Variants in ITGAE observed in about 807,000 individuals in gnomAD.
ITGAE encodes the protein integrin alpha-E.
Under a neutral mutation model 136.5 loss-of-function variants are expected in ITGAE, and 99 were observed. The ratio of observed to expected loss-of-function variants is 0.73; its 90% confidence interval spans 0.62 to 0.86. The LOEUF is 0.86. Ranked by LOEUF, ITGAE falls within the 40% of genes least tolerant of loss-of-function variation. ITGAE has a pLI of 0.00. For missense variants in ITGAE, 1,447 were observed against 1,515.3 expected (o/e 0.95, Z 0.75); for synonymous variants, 613 against 591.8 (o/e 1.04, Z -0.52).
At position 3,759,121 on chromosome 17, in the gene ITGAE, T is replaced by A. The variant is rs1287858073; in HGVS notation, c.866+281A>T. ...GCCTGGGTGACAGAGCAAGACTCCATCTCAAAAAAAAAAACAAAAAAAAAA... is the reference window on the plus strand; with the variant it reads ...GCCTGGGTGACAGAGCAAGACTCCAACTCAAAAAAAAAAACAAAAAAAAAA... On this transcript the variant is annotated intron_variant, in intron 8 of 30. Transcript: ENST00000263087. Among the ~76,000 whole-genome samples the A allele has an allele frequency of 2.5e-5, 3 of 120,746 alleles. No homozygotes were observed. The Admixed American group carries it at 2.7e-4, about 11-fold the overall frequency. 79.2% of individuals were successfully genotyped at this position (120,746 alleles called of 152,430 possible).
At chr17:3,794,597 A>C (rs1405328132) in intron 1 of ITGAE, among the ~76,000 whole-genome samples, 1 of 152,186 alleles carries the variant, frequency 6.6e-6, no homozygotes, top group Non-Finnish European at 1.5e-5. Flanking sequence ...GTTCCAGATC[A>C]AGACCCCTAG....
At chr17:3,719,049 T>C (rs2143005835) in intron 29 of ITGAE, among the ~76,000 whole-genome samples, 1 of 151,556 alleles carries the variant, frequency 6.6e-6, no homozygotes, top group East Asian at 1.9e-4. Flanking sequence ...CTGGCCAACA[T>C]GGTGAAATCC....
At chr17:3,725,264 G>A (rs1259103625) in intron 26 of ITGAE, 7 of 1,614,036 alleles carry the variant, frequency 4.3e-6, no homozygotes, top group Non-Finnish European at 5.9e-6. Flanking sequence ...CTATGTATTT[G>A]CTAAGCCCCT....
intron 23 of ITGAE, 129 bp downstream of exon 23, chr17:3,730,975 C>T (rs1263435813): frequency 4.6e-6 from 3 of 650,446 alleles, no homozygotes; most frequent in South Asian, 3.7e-5. Flanking sequence ...CAGATGCCTT[C>T]TGTGGGCTCA....
chr17:3,781,419 G>A (rs2052665074), intron 1 of ITGAE, among the ~76,000 whole-genome samples: 2 of 151,062 alleles, frequency 1.3e-5, no homozygotes, highest in Admixed American at 6.6e-5. Flanking sequence ...GCGCTATCTC[G>A]GCTCACTGCA....
At chr17:3,789,051 A>G (rs1365890336) in intron 1 of ITGAE, among the ~76,000 whole-genome samples, 1 of 151,636 alleles carries the variant, frequency 6.6e-6, no homozygotes, top group Admixed American at 6.6e-5. Context: ...CTCAAGACCA[A>G]CCTGGGCAAT....
intron 15 of ITGAE, 28 bp from the exon 16 acceptor site, chr17:3,750,510 G>A (rs1374600385): frequency 1.2e-6 from 2 of 1,613,414 alleles, no homozygotes; most frequent in African/African-American, 2.7e-5. Context: ...CAAGGCGTGG[G>A]GCGAGGGAAG....
rs1047687760 is a variant in ITGAE at position 3,796,653 on chromosome 17, C to T, written c.34+4458G>A. Among the ~76,000 whole-genome samples the T allele has an allele frequency of 2.6e-5, 4 of 152,052 alleles. No individual in the cohort carries two copies. In the South Asian group the frequency reaches 8.3e-4, roughly 32 times the overall value. On this transcript the variant is annotated intron_variant, in intron 1 of 30. Transcript: ENST00000263087. Reference sequence around the variant, plus strand: ...GACATAGCTACACCAGTGTCTGTCACCACACTACCCACAGGACCACCTCTC... The same window carrying T: ...GACATAGCTACACCAGTGTCTGTCATCACACTACCCACAGGACCACCTCTC...
chr17:3,744,009 CTTT>C (rs566973351), intron 18 of ITGAE, among the ~76,000 whole-genome samples: 4 of 139,350 alleles, frequency 2.9e-5, no homozygotes, highest in Non-Finnish European at 1.6e-5. Context: ...GGCCTCTTTT[CTTT>C]TTTTTTTTTT....
chr17:3,786,113 G>A (rs2052790986), intron 1 of ITGAE, among the ~76,000 whole-genome samples: 1 of 148,668 alleles, frequency 6.7e-6, no homozygotes. Context: ...CTTGCAGTGA[G>A]CCGAGATCGC....
intron 2 of ITGAE, among the ~76,000 whole-genome samples, chr17:3,769,629 G>A (rs1221350678): frequency 1.3e-5 from 2 of 152,234 alleles, no homozygotes; most frequent in African/African-American, 4.8e-5. Context: ...GCTGGGTACA[G>A]CCCAGCAACC....
chr17:3,763,829 G>A (rs771560879), intron 3 of ITGAE, 40 bp downstream of exon 3: 1 of 1,496,962 alleles, frequency 6.7e-7, no homozygotes, highest in South Asian at 1.1e-5. Flanking sequence ...GCTAGAAAGG[G>A]GGTCCTGGGG....
At chr17:3,760,430 C>CATT (rs2052137733) in intron 6 of ITGAE, 143 bp from the exon 7 acceptor site, 2 of 64,212 alleles carry the variant, frequency 3.1e-5, no homozygotes, top group African/African-American at 7.8e-5. Context: ...AAGAGGGAAG[C>CATT]TTTTTTTTTT....
At chr17:3,733,640 C>T (rs745686779) in intron 21 of ITGAE, among the ~76,000 whole-genome samples, 5 of 152,106 alleles carry the variant, frequency 3.3e-5, no homozygotes, top group Non-Finnish European at 1.5e-5. Context: ...AGGCTGGTCT[C>T]GAACTCCTGA....
intron 18 of ITGAE, among the ~76,000 whole-genome samples, chr17:3,745,429 TC>T (rs2051687734): frequency 6.6e-6 from 1 of 152,066 alleles, no homozygotes; most frequent in South Asian, 2.1e-4. Flanking sequence ...GCAACCTCCC[TC>T]CCCTGGATTC....
At chr17:3,746,800 C>G (rs2051727626) in intron 17 of ITGAE, among the ~76,000 whole-genome samples, 1 of 152,138 alleles carries the variant, frequency 6.6e-6, no homozygotes, top group East Asian at 1.9e-4. Flanking sequence ...ACCGTGTTAG[C>G]CAGGATGGTC....
chr17:3,760,620 AG>A (rs1207365547), intron 6 of ITGAE, among the ~76,000 whole-genome samples: 1 of 151,402 alleles, frequency 6.6e-6, no homozygotes, highest in Non-Finnish European at 1.5e-5. Flanking sequence ...TGAATTTTCT[AG>A]TAGAGTTGGG....
intron 28 of ITGAE, chr17:3,720,672 C>A: frequency 3.9e-6 from 1 of 258,620 alleles, no homozygotes; most frequent in Non-Finnish European, 7.5e-6. Flanking sequence ...ACCTCCACCC[C>A]GTCAGGTTCA....
At position 3,794,926 on chromosome 17, in the gene ITGAE, A is replaced by ACC. The variant is rs146853508; in HGVS notation, c.34+6183_34+6184dup. ...GTCTCCTCTCCTGGGCGTCCGTGGC[A>ACC]CCCCCCCGCTCTGCCCGGCGCACCC... On this transcript the variant is annotated intron_variant, in intron 1 of 30. Coordinates refer to ENST00000263087, the MANE Select transcript of ITGAE (RefSeq NM_002208.5). 2.1e-4 allele frequency among the ~76,000 whole-genome samples: 31 copies of ACC among 149,742 alleles called. 1 individual carries two copies. The highest frequency in any genetic ancestry group is 7.6e-4 in the African/African-American group (31 of 40,552).
Sources: gnomAD v4.1 joint callset for allele counts (sites outside exome capture counted in the v4.1 genomes callset) on GRCh38, gnomAD v4.1.1 for gene constraint, MANE v1.5 for transcripts, NCBI Gene and HGNC (gene_info 2026-07-23, HGNC 2026-07-21) for gene names.